CALN1: variants seen among roughly 807,000 people sequenced by gnomAD.
The protein encoded by CALN1 is calneuron 1.
A neutral mutation model predicts 30.6 loss-of-function variants in CALN1; 17 were observed. The ratio of observed to expected loss-of-function variants is 0.56; its 90% CI spans 0.38 to 0.83. CALN1 has a LOEUF of 0.83. Among genes scored for constraint, CALN1 ranks in the 40% least tolerant of loss-of-function variants. The pLI is 0.00. For synonymous variants in CALN1, 156 were observed against 131.4 expected, an observed-to-expected ratio of 1.19 and a Z score of -1.28; for missense variants, 291 against 354.9, an observed-to-expected ratio of 0.82 and a Z score of 1.45.
chr7:72,135,655 G>A (rs1809458995), intron 3 of CALN1, among the ~76,000 whole-genome samples: 1 of 152,174 alleles, frequency 6.6e-6, no homozygotes, highest in South Asian at 2.1e-4. Context: ...AGGCAGAATA[G>A]ATTTACTATC....
intron 2 of CALN1, among the ~76,000 whole-genome samples, chr7:72,387,352 T>A (rs1157209529): frequency 6.8e-6 from 1 of 147,000 alleles, no homozygotes; most frequent in Non-Finnish European, 1.5e-5. Context: ...TTATAGGTAA[T>A]CTGCTCTCAT....
chr7:72,346,254 G>GTGTT (rs1802635017), intron 2 of CALN1, among the ~76,000 whole-genome samples: 1 of 152,046 alleles, frequency 6.6e-6, no homozygotes, highest in Non-Finnish European at 1.5e-5. Context: ...GCGCAAAATG[G>GTGTT]TGTTCTCTCT....
chr7:71,957,146 T>G (rs1428309809), intron 5 of CALN1, among the ~76,000 whole-genome samples: 2 of 152,098 alleles, frequency 1.3e-5, no homozygotes, highest in Non-Finnish European at 2.9e-5. Flanking sequence ...AGACATGGTC[T>G]GGATGCTGAA....
chr7:72,375,528 T>C (rs113397656), intron 2 of CALN1, among the ~76,000 whole-genome samples: 1 of 146,230 alleles, frequency 6.8e-6, no homozygotes, highest in Non-Finnish European at 1.5e-5. Flanking sequence ...ACTGCACCAC[T>C]GTACTCCACC....
rs192281637 is a variant in CALN1, at chr7:72,334,481, A to G, written c.120-55671T>C. Among the ~76,000 whole-genome samples, 152 of 152,292 alleles carry G rather than the reference A, an allele frequency of 1.0e-3. 1 individual carries two copies. Among genetic ancestry groups the G allele is most frequent in the African/African-American group, 3.5e-3 (146 of 41,548 alleles). The stretch of plus-strand genomic sequence containing the variant: ...GCTACCCACTGGAGAGATAAATGTA[A>G]AACTCAACAATGAACAGTTGTCATC... On this transcript the variant is annotated intron_variant, in intron 2 of 6. Transcript: ENST00000395275.
At chr7:72,278,588 G>C in intron 3 of CALN1, 98 bp downstream of exon 3, 2 of 1,516,566 alleles carry the variant, frequency 1.3e-6, no homozygotes, top group East Asian at 2.3e-5. Flanking sequence ...AACTGCCAAG[G>C]AGTGGCCAAA....
At position 72,076,370 on chromosome 7, in the gene CALN1, G is replaced by C. The variant is rs538982438; in HGVS notation, c.388+29781C>G. ...TCTCAGCACTTTGGGAGGCCGAGGC[G>C]AGCAGATCACTTGAGGTCGGGAGTT... On this transcript the variant is annotated intron_variant, in intron 4 of 6. Transcript: ENST00000395275. 2.6e-3 allele frequency among the ~76,000 whole-genome samples: 397 copies of C among 151,114 alleles called. 4 individuals carry two copies. The highest frequency in any genetic ancestry group is 0.015 in the South Asian group (71 of 4,748).
At chr7:72,439,664 G>A (rs942104198) in intron 1 of CALN1, among the ~76,000 whole-genome samples, 6 of 147,486 alleles carry the variant, frequency 4.1e-5, no homozygotes, top group East Asian at 4.3e-4. Context: ...TGCAACCTCC[G>A]CCTCCTGAGT....
chr7:72,078,723 G>T (rs1804917842), intron 4 of CALN1, among the ~76,000 whole-genome samples: 2 of 152,114 alleles, frequency 1.3e-5, no homozygotes, highest in African/African-American at 4.8e-5. Context: ...ACCACCTGAG[G>T]TCAGGAGATG....
chr7:72,186,106 A>C (rs577031453), intron 3 of CALN1, among the ~76,000 whole-genome samples: 1 of 152,216 alleles, frequency 6.6e-6, no homozygotes, highest in East Asian at 1.9e-4. Flanking sequence ...ATGGCCATGA[A>C]CCATGGAGTG....
upstream of CALN1, among the ~76,000 whole-genome samples, chr7:72,412,605 G>C (rs919019963): frequency 6.6e-6 from 1 of 152,216 alleles, no homozygotes; most frequent in Non-Finnish European, 1.5e-5. Context: ...CAGAAGCCCA[G>C]CTGGCTTCAC....
the CALN1 span, among the ~76,000 whole-genome samples, chr7:72,481,532 A>C: frequency 6.6e-6 from 1 of 151,416 alleles, no homozygotes; most frequent in East Asian, 1.9e-4. Flanking sequence ...TTTGCTCTTC[A>C]TTTTCTAGTG....
intron 6 of CALN1, among the ~76,000 whole-genome samples, chr7:71,790,249 G>A: frequency 7.1e-6 from 1 of 141,036 alleles, no homozygotes; most frequent in Non-Finnish European, 1.5e-5. Context: ...AAGAAAGGAA[G>A]GAAGAAGAAA....
At chr7:71,964,881 A>G (rs1013001765) in intron 5 of CALN1, among the ~76,000 whole-genome samples, 9 of 152,190 alleles carry the variant, frequency 5.9e-5, no homozygotes, top group African/African-American at 1.9e-4. Context: ...TCAGTCCATG[A>G]AGAAATCTGT....
chr7:71,906,411 A>T (rs1794139419), intron 5 of CALN1, among the ~76,000 whole-genome samples: 1 of 152,176 alleles, frequency 6.6e-6, no homozygotes, highest in African/African-American at 2.4e-5. Flanking sequence ...ATGCAGATGG[A>T]ATTCATAATT....
At chr7:72,453,444 T>C in the CALN1 span, among the ~76,000 whole-genome samples, 1 of 152,194 alleles carries the variant, frequency 6.6e-6, no homozygotes, top group South Asian at 2.1e-4. Context: ...AAAGGGGTGG[T>C]AACTTCTGGA....
upstream of CALN1, among the ~76,000 whole-genome samples, chr7:72,451,158 G>T: frequency 6.9e-6 from 1 of 145,566 alleles, no homozygotes; most frequent in East Asian, 2.0e-4. Flanking sequence ...GGAGAAGAAG[G>T]AGAAGGAGGA....
At chr7:72,429,739 GTA>G (rs58652627) in intron 1 of CALN1, among the ~76,000 whole-genome samples, 2,793 of 139,604 alleles carry the variant, frequency 0.02, 78 homozygotes, top group African/African-American at 0.067. Context: ...ATATGTCTGT[GTA>G]TATATATATA....
intron 5 of CALN1, among the ~76,000 whole-genome samples, chr7:71,818,823 C>A (rs1788422827): frequency 1.3e-5 from 2 of 151,832 alleles, no homozygotes; most frequent in African/African-American, 4.8e-5. Flanking sequence ...GATTCTCCTG[C>A]CTCAGCCTCC....
Sources: allele counts gnomAD v4.1 joint callset (sites outside exome capture counted in the v4.1 genomes callset), GRCh38; gene constraint gnomAD v4.1.1; transcripts MANE v1.5; gene names NCBI Gene and HGNC (gene_info 2026-07-23, HGNC 2026-07-21).